Variants in SPMIP2 observed in about 807,000 individuals in gnomAD.
SPMIP2 encodes the protein sperm microtubule inner protein 2, also known as protein SPMIP2.
chr4:159,030,963 C>CTCATGATAT, the SPMIP2 span, among the ~76,000 whole-genome samples: 2 of 152,062 alleles, frequency 1.3e-5, no homozygotes, highest in African/African-American at 4.8e-5. Flanking sequence ...TAAATGATTT[C>CTCATGATAT]TCATGATATT....
chr4:158,914,341 A>G, the SPMIP2 span, among the ~76,000 whole-genome samples: 107,368 of 152,148 alleles, frequency 0.71, 38,596 homozygotes, highest in East Asian at 0.95. Context: ...TGCCATCACA[A>G]AATGTCTCAA....
the SPMIP2 span, among the ~76,000 whole-genome samples, chr4:158,988,839 C>A: frequency 4.3e-3 from 662 of 152,254 alleles, 2 homozygotes; most frequent in African/African-American, 0.015. Flanking sequence ...AATAGGATGA[C>A]CTCTCTCACC....
chr4:158,951,659 C>T, the SPMIP2 span, among the ~76,000 whole-genome samples: 8 of 152,184 alleles, frequency 5.3e-5, no homozygotes, highest in Non-Finnish European at 1.2e-4. Flanking sequence ...CACGCACACA[C>T]AAATGCATAC....
At chr4:158,970,624 G>A in the SPMIP2 span, among the ~76,000 whole-genome samples, 1 of 152,186 alleles carries the variant, frequency 6.6e-6, no homozygotes, top group East Asian at 1.9e-4. Context: ...AGGGAGAGAT[G>A]AGTAGACCCA....
chr4:158,937,034 A>G, the SPMIP2 span, among the ~76,000 whole-genome samples: 1 of 152,200 alleles, frequency 6.6e-6, no homozygotes, highest in Non-Finnish European at 1.5e-5. Flanking sequence ...ACAAAGGAGG[A>G]ACGGGGGAAA....
At chr4:158,964,813 G>A in the SPMIP2 span, among the ~76,000 whole-genome samples, 1 of 152,182 alleles carries the variant, frequency 6.6e-6, no homozygotes, top group Non-Finnish European at 1.5e-5. Context: ...AAGCAGGCAT[G>A]TCTTACATGG....
chr4:158,993,197 C>T, the SPMIP2 span, among the ~76,000 whole-genome samples: 1 of 149,500 alleles, frequency 6.7e-6, no homozygotes, highest in African/African-American at 2.5e-5. Flanking sequence ...CCTGTCTCTA[C>T]AAAAAAAAAA....
At chr4:159,022,057 C>T in the SPMIP2 span, among the ~76,000 whole-genome samples, 3 of 152,090 alleles carry the variant, frequency 2.0e-5, no homozygotes, top group African/African-American at 7.2e-5. Flanking sequence ...GCTCTGTTTC[C>T]GTTTTATGAA....
the SPMIP2 span, among the ~76,000 whole-genome samples, chr4:159,039,414 C>T: frequency 6.6e-6 from 1 of 152,048 alleles, no homozygotes; most frequent in Non-Finnish European, 1.5e-5. Context: ...ACAGAGGAGA[C>T]ACATTTGGAG....
chr4:159,034,187 G>A, the SPMIP2 span, among the ~76,000 whole-genome samples: 1 of 152,088 alleles, frequency 6.6e-6, no homozygotes, highest in South Asian at 2.1e-4. Flanking sequence ...TTTAGTTTAT[G>A]CCTTATAGAC....
the SPMIP2 span, among the ~76,000 whole-genome samples, chr4:158,931,876 T>A: frequency 6.6e-6 from 1 of 152,162 alleles, no homozygotes; most frequent in Non-Finnish European, 1.5e-5. Context: ...CCAGAATTTT[T>A]AAAATAATTG....
the SPMIP2 span, among the ~76,000 whole-genome samples, chr4:159,041,392 C>T: frequency 6.6e-6 from 1 of 152,126 alleles, no homozygotes; most frequent in African/African-American, 2.4e-5. Flanking sequence ...AATTTAAAGC[C>T]AGTGTTATAG....
the SPMIP2 span, among the ~76,000 whole-genome samples, chr4:159,031,459 G>T: frequency 6.6e-6 from 1 of 152,232 alleles, no homozygotes; most frequent in African/African-American, 2.4e-5. Context: ...AGGGAAAAAA[G>T]AAGGGAAGAC....
At chr4:158,910,031 C>T in the SPMIP2 span, among the ~76,000 whole-genome samples, 1 of 151,698 alleles carries the variant, frequency 6.6e-6, no homozygotes, top group East Asian at 2.0e-4. Context: ...AACAGTGAGA[C>T]TCCATCTCAA....
At chr4:158,943,404 C>A in the SPMIP2 span, among the ~76,000 whole-genome samples, 1 of 152,204 alleles carries the variant, frequency 6.6e-6, no homozygotes, top group Admixed American at 6.5e-5. Flanking sequence ...TGGCCTCTAA[C>A]TTCAAGTGGG....
chr4:158,993,547 T>A, the SPMIP2 span, among the ~76,000 whole-genome samples: 1 of 152,182 alleles, frequency 6.6e-6, no homozygotes, highest in East Asian at 1.9e-4. Flanking sequence ...TCTCATTTAG[T>A]TCGTTCATTT....
the SPMIP2 span, among the ~76,000 whole-genome samples, chr4:159,002,886 C>T: frequency 6.6e-6 from 1 of 151,970 alleles, no homozygotes; most frequent in African/African-American, 2.4e-5. Flanking sequence ...ATGATGGCTA[C>T]CTGAATTACT....
At chr4:159,081,635 C>T in the SPMIP2 span, among the ~76,000 whole-genome samples, 39 of 151,980 alleles carry the variant, frequency 2.6e-4, no homozygotes, top group South Asian at 8.1e-3. Flanking sequence ...TTGCAGTGAG[C>T]CATGTTTGCT....
the SPMIP2 span, among the ~76,000 whole-genome samples, chr4:159,014,220 C>T: frequency 1.3e-5 from 2 of 152,058 alleles, no homozygotes; most frequent in Non-Finnish European, 2.9e-5. Context: ...TTTGGGAGGC[C>T]GAAGTGGGCG....
Sources: allele counts gnomAD v4.1 joint callset (sites outside exome capture counted in the v4.1 genomes callset), GRCh38; gene constraint gnomAD v4.1.1; transcripts MANE v1.5; gene names NCBI Gene and HGNC (gene_info 2026-07-23, HGNC 2026-07-21).